CACNB4: variants seen among roughly 807,000 people sequenced by gnomAD.
CACNB4 encodes the protein calcium voltage-gated channel auxiliary subunit beta 4.
In CACNB4, 32 loss-of-function variants were observed where a neutral mutation model predicts 71.2. The observed-to-expected ratio is 0.45, with a 90% CI of 0.34 to 0.60. CACNB4 has a LOEUF of 0.60. Among genes scored for constraint, CACNB4 ranks in the 20% least tolerant of loss-of-function variants. CACNB4 has a pLI of 0.01. For synonymous variants in CACNB4, 231 were observed against 236.9 expected (o/e 0.97, Z 0.23); for missense variants, 464 against 647.9 (o/e 0.72, Z 3.08).
At chr2:151,878,068 G>A (rs909542828) in intron 4 of CACNB4, among the ~76,000 whole-genome samples, 7 of 151,892 alleles carry the variant, frequency 4.6e-5, no homozygotes, top group Non-Finnish European at 8.8e-5. Flanking sequence ...TCAGTGTTGG[G>A]CAAGATAATT....
At chr2:151,978,321 T>C (rs897933582) in intron 2 of CACNB4, among the ~76,000 whole-genome samples, 2 of 152,114 alleles carry the variant, frequency 1.3e-5, no homozygotes, top group Non-Finnish European at 2.9e-5. Context: ...GAATTGGCCT[T>C]TTTAATTTTT....
chr2:151,997,039 A>ATAAATACACCC lies in CACNB4; in HGVS notation c.147+101290_147+101291insGGGTGTATTTA. Among the ~76,000 whole-genome samples, 4 of 152,338 alleles carry ATAAATACACCC rather than the reference A, an allele frequency of 2.6e-5. 1 individual carries two copies. The highest frequency in any genetic ancestry group is 2.6e-4 in the Admixed American group (4 of 15,300). ...GGGGTTTTTTCATTTCACTATGAAA[A>ATAAATACACCC]TGTTAAGTAAATAAATACACCCTGT... On this transcript the variant is annotated intron_variant, in intron 2 of 13. Coordinates refer to ENST00000539935, the MANE Select transcript of CACNB4 (RefSeq NM_000726.5).
chr2:151,841,417 AT>A (rs200398535), intron 13 of CACNB4, among the ~76,000 whole-genome samples: 48 of 147,554 alleles, frequency 3.3e-4, no homozygotes, highest in East Asian at 1.2e-3. Context: ...TGTCTCTACA[AT>A]TTTTTTTTTT....
chr2:151,981,330 G>A (rs1328202572), intron 2 of CACNB4, among the ~76,000 whole-genome samples: 2 of 43,294 alleles, frequency 4.6e-5, no homozygotes, highest in Non-Finnish European at 9.2e-5. Context: ...CCTTGATGTC[G>A]TTGCCTCCAT....
intron 2 of CACNB4, among the ~76,000 whole-genome samples, chr2:151,904,587 T>G (rs1444644843): frequency 6.7e-6 from 1 of 149,538 alleles, no homozygotes; most frequent in East Asian, 2.0e-4. Context: ...CAGGCTAGAG[T>G]GCAGTGGTGC....
At chr2:152,066,494 A>G (rs2105352800) in intron 2 of CACNB4, among the ~76,000 whole-genome samples, 1 of 151,552 alleles carries the variant, frequency 6.6e-6, no homozygotes, top group Admixed American at 6.6e-5. Flanking sequence ...TCAGGAAACA[A>G]CAGGTGCTGG....
At chr2:152,019,838 TG>T (rs1309650058) in intron 2 of CACNB4, among the ~76,000 whole-genome samples, 1 of 152,146 alleles carries the variant, frequency 6.6e-6, no homozygotes, top group Non-Finnish European at 1.5e-5. Flanking sequence ...ATTCTGGAAA[TG>T]TCAAACAACT....
At chr2:151,994,127 G>A (rs1377667201) in intron 2 of CACNB4, among the ~76,000 whole-genome samples, 1 of 151,784 alleles carries the variant, frequency 6.6e-6, no homozygotes, top group Non-Finnish European at 1.5e-5. Context: ...AGCTATGCTG[G>A]AATCACTACA....
chr2:151,870,984 G>T (rs149441540), intron 6 of CACNB4, 123 bp from the exon 7 acceptor site: 1 of 693,168 alleles, frequency 1.4e-6, no homozygotes, highest in Non-Finnish European at 2.5e-6. Flanking sequence ...CCTTCCTATC[G>T]CCCACTTTGG....
rs369276166 is a variant in CACNB4, at chr2:151,842,014, C to T, written c.1191G>A (p.Ala397=). The T allele has an allele frequency of 2.3e-5, 37 of 1,613,608 alleles. No individual in the cohort carries two copies. The highest frequency in any genetic ancestry group is 1.0e-4 in the Admixed American group (6 of 59,992). ...ACEHLGEYLE[A]YWRATHTTSS... is the part of the protein sequence containing the mutation. Reference sequence around the variant, plus strand: ...TGGTTGTGTGGGTGGCACGCCAGTACGCCTCCAGGTACTCCCCTAGATGTT... The same window carrying T: ...TGGTTGTGTGGGTGGCACGCCAGTATGCCTCCAGGTACTCCCCTAGATGTT... Residue 397 remains alanine, a synonymous_variant, in exon 13 of 14, where the codon GCG becomes GCA. Transcript: ENST00000539935.
chr2:152,035,704 A>C lies in CACNB4; in HGVS notation c.147+62626T>G. Among the ~76,000 whole-genome samples, 2 of 149,982 alleles carry C rather than the reference A, an allele frequency of 1.3e-5. 1 individual carries two copies. The highest frequency in any genetic ancestry group is 4.9e-5 in the African/African-American group (2 of 40,514). On this transcript the variant is annotated intron_variant, in intron 2 of 13. Transcript: ENST00000539935. ...ATTAAGATGCACCTGATATGGATTA[A>C]GATTGTCCTTGTTAGACAAACCGCA...
intron 2 of CACNB4, among the ~76,000 whole-genome samples, chr2:151,921,086 A>G (rs1000293568): frequency 1.1e-4 from 17 of 151,910 alleles, no homozygotes; most frequent in African/African-American, 4.1e-4. Context: ...GCAGTGAGCC[A>G]AGATCGTGCC....
Position 152,098,575 on chromosome 2 carries a change from C to CCCCCCCCCCCCCCAA in CACNB4, c.64-163_64-162insTTGGGGGGGGGGGGG. On this transcript the variant is annotated intron_variant, in intron 1 of 13. Transcript: ENST00000539935. The surrounding 1 kb of genome is among the most constrained non-coding windows in gnomAD (Gnocchi z 5.3). Reference sequence around the variant, plus strand: ...GACTCCCAAATACAGCCCCCACCCCCACCCACCCACTGCAAGCCTCGACTG... The same window carrying CCCCCCCCCCCCCCAA: ...GACTCCCAAATACAGCCCCCACCCCCCCCCCCCCCCCCCAAACCCACCCACTGCAAGCCTCGACTG... 1.1e-6 allele frequency: 1 copy of CCCCCCCCCCCCCCAA among 877,274 alleles called. No individual in the cohort carries two copies. The highest frequency in any genetic ancestry group is 1.9e-6 in the Non-Finnish European group (1 of 530,912). 54.3% of individuals were successfully genotyped at this position (877,274 alleles called of 1,614,324 possible). A position where few individuals can be genotyped will look rare whatever the true frequency, so the allele number is the denominator to read the frequency against.
chr2:151,863,999 T>C (rs1437922717), intron 9 of CACNB4, among the ~76,000 whole-genome samples: 1 of 152,240 alleles, frequency 6.6e-6, no homozygotes, highest in African/African-American at 2.4e-5. Flanking sequence ...TTCTTTTTTA[T>C]AAAAGGCTCT....
intron 2 of CACNB4, among the ~76,000 whole-genome samples, chr2:152,024,599 G>A (rs1683861231): frequency 6.6e-6 from 1 of 150,550 alleles, no homozygotes; most frequent in Non-Finnish European, 1.5e-5. Flanking sequence ...AGAAATACTT[G>A]CCCCAATAGT....
At chr2:152,013,384 G>A (rs1277445867) in intron 2 of CACNB4, among the ~76,000 whole-genome samples, 1 of 152,134 alleles carries the variant, frequency 6.6e-6, no homozygotes, top group Non-Finnish European at 1.5e-5. Context: ...GTCTTTGTCA[G>A]CACTTCAAGG....
intron 10 of CACNB4, 104 bp from the exon 11 acceptor site, chr2:151,855,479 T>G (rs1229423088): frequency 2.4e-6 from 2 of 828,440 alleles, no homozygotes; most frequent in Non-Finnish European, 3.5e-6. Flanking sequence ...CATTACAAAA[T>G]AAAACATTTT....
intron 8 of CACNB4, 25 bp downstream of exon 8, chr2:151,870,505 TG>T: frequency 6.3e-7 from 1 of 1,589,548 alleles, no homozygotes; most frequent in Non-Finnish European, 8.6e-7. Flanking sequence ...GATCAAGAAC[TG>T]AAGAGTAACA....
chr2:152,054,415 A>G (rs1017226566), intron 2 of CACNB4, among the ~76,000 whole-genome samples: 1 of 151,268 alleles, frequency 6.6e-6, no homozygotes, highest in Non-Finnish European at 1.5e-5. Context: ...TGACTGTATG[A>G]CAGTAGAGGA....
Sources: allele counts gnomAD v4.1 joint callset (sites outside exome capture counted in the v4.1 genomes callset), GRCh38; gene constraint gnomAD v4.1.1; non-coding constraint Gnocchi (gnomAD v3.1); transcripts MANE v1.5; gene names NCBI Gene and HGNC (gene_info 2026-07-23, HGNC 2026-07-21).